Variants in SNTA1 observed in about 807,000 individuals in gnomAD.
SNTA1 encodes syntrophin alpha 1, also known as alpha-1-syntrophin.
Under a neutral mutation model 47.1 loss-of-function variants are expected in SNTA1, and 31 were observed. That is an observed-to-expected ratio of 0.66 (90% CI 0.49 to 0.89). The LOEUF (loss-of-function observed/expected upper bound fraction) is 0.89, where lower values mean the gene tolerates loss of function less well. SNTA1 is among the 40% of genes least tolerant of loss of function. The probability of loss-of-function intolerance (pLI) is 0.00; values close to 1 mark genes in which losing one functional copy is unlikely to be tolerated. For missense variants in SNTA1, 575 were observed against 693.0 expected (o/e 0.83, Z 1.91); for synonymous variants, 300 against 313.6 (o/e 0.96, Z 0.46).
chr20:33,435,395 G>A (rs569174057), intron 2 of SNTA1, among the ~76,000 whole-genome samples: 11 of 149,574 alleles, frequency 7.4e-5, no homozygotes, highest in East Asian at 4.2e-4. Context: ...CCGGGAGTTC[G>A]AGACCAGCCT....
At chr20:33,426,785 G>T (rs1471426630) in intron 2 of SNTA1, among the ~76,000 whole-genome samples, 3 of 151,804 alleles carry the variant, frequency 2.0e-5, no homozygotes, top group Non-Finnish European at 4.4e-5. Flanking sequence ...AAAAAGATTT[G>T]TCTGGGCTCA....
intron 6 of SNTA1, 47 bp from the exon 7 acceptor site, chr20:33,408,935 C>T (rs1989668283): frequency 6.4e-7 from 1 of 1,554,974 alleles, no homozygotes; most frequent in Non-Finnish European, 8.9e-7. Context: ...ACCTCAGAGA[C>T]TACACCCCAA....
At chr20:33,425,216 G>A (rs1415223629) in intron 2 of SNTA1, among the ~76,000 whole-genome samples, 2 of 152,122 alleles carry the variant, frequency 1.3e-5, no homozygotes, top group Non-Finnish European at 2.9e-5. Context: ...GGTCAAGGCT[G>A]CTATGATCAT....
In SNTA1 at chr20:33,408,146, G is replaced by C. The variant is rs888900311; in HGVS notation, c.*361C>G. On this transcript the variant is annotated 3_prime_UTR_variant, in exon 8 of 8. Coordinates refer to ENST00000217381, the MANE Select transcript of SNTA1 (RefSeq NM_003098.3). ...ACTCCAGCTTCAGATGGGACCTCTG[G>C]GGGTGGCTTAGGGGCCTCGAGGAGG... is the stretch of plus-strand genomic sequence containing the variant. 3.0e-6 allele frequency: 1 copy of C among 336,258 alleles called. No individual in the cohort carries two copies. Among genetic ancestry groups the C allele is most frequent in the Non-Finnish European group, 5.8e-6 (1 of 172,964 alleles). The allele number at this position is 336,258 out of a possible 1,614,324, so 20.8% of individuals were successfully genotyped here.
At chr20:33,426,998 G>A (rs958741439) in intron 2 of SNTA1, among the ~76,000 whole-genome samples, 1 of 150,904 alleles carries the variant, frequency 6.6e-6, no homozygotes, top group Non-Finnish European at 1.5e-5. Flanking sequence ...AGGAGGTTGA[G>A]GCTAAAGTGA....
chr20:33,423,088 G>T (rs974610160), intron 2 of SNTA1, among the ~76,000 whole-genome samples: 2 of 152,178 alleles, frequency 1.3e-5, no homozygotes, highest in South Asian at 4.1e-4. Flanking sequence ...TACGCTACAT[G>T]CTCAGCAAAT....
chr20:33,443,295 G>C lies in SNTA1; in HGVS notation c.310+16C>G. ...CCAGACACCACGACCCCGCGCCCTCGGTGTCCCGCGCCCACCTTTGATGCT... is the reference window on the plus strand; with the variant it reads ...CCAGACACCACGACCCCGCGCCCTCCGTGTCCCGCGCCCACCTTTGATGCT... On this transcript the variant is annotated intron_variant, in intron 1 of 7. Transcript: ENST00000217381. 6.7e-7 allele frequency: 1 copy of C among 1,503,074 alleles called. No individual in the cohort carries two copies. Among genetic ancestry groups the C allele is most frequent in the South Asian group, 1.2e-5 (1 of 81,070 alleles). The allele number at this position is 1,503,074 out of a possible 1,614,324, so 93.1% of individuals were successfully genotyped here. A position where few individuals can be genotyped will look rare whatever the true frequency, so the allele number is the denominator to read the frequency against.
rs1345331296 is a variant in SNTA1 at position 33,408,695 on chromosome 20, A to T, written c.1425+6T>A. On this transcript the variant is annotated splice_donor_region_variant and intron_variant, in intron 7 of 7. Coordinates refer to ENST00000217381, the MANE Select transcript of SNTA1 (RefSeq NM_003098.3). Reference sequence around the variant, plus strand: ...CCCCAGGGTGCAGAGGCAGCCCCTCACTCACGATCTCGCCTTCAGCACCTC... The same window carrying T: ...CCCCAGGGTGCAGAGGCAGCCCCTCTCTCACGATCTCGCCTTCAGCACCTC... The T allele has an allele frequency of 1.2e-6, 2 of 1,613,684 alleles. No homozygotes were observed. Among genetic ancestry groups the T allele is most frequent in the Non-Finnish European group, 8.5e-7 (1 of 1,179,766 alleles).
chr20:33,437,978 G>A (rs1990482572), intron 2 of SNTA1, among the ~76,000 whole-genome samples: 1 of 152,196 alleles, frequency 6.6e-6, no homozygotes, highest in African/African-American at 2.4e-5. Flanking sequence ...CTCTGATCCT[G>A]GCTGGAAGGA....
At chr20:33,408,630 C>A (rs1989656535) in intron 7 of SNTA1, 31 bp from the exon 8 acceptor site, 3 of 1,611,258 alleles carry the variant, frequency 1.9e-6, no homozygotes, top group Non-Finnish European at 2.5e-6. Flanking sequence ...AGAGTCAGGG[C>A]CCTGGCCAGC....
At chr20:33,419,087 G>A (rs1285536105) in intron 2 of SNTA1, among the ~76,000 whole-genome samples, 1 of 151,884 alleles carries the variant, frequency 6.6e-6, no homozygotes, top group Non-Finnish European at 1.5e-5. Flanking sequence ...CAGCCTGGAC[G>A]ATGAAGTGCG....
chr20:33,433,774 C>T (rs1990368053), intron 2 of SNTA1, among the ~76,000 whole-genome samples: 1 of 152,176 alleles, frequency 6.6e-6, no homozygotes, highest in Non-Finnish European at 1.5e-5. Flanking sequence ...TGGCTGCCAA[C>T]TTGGGCCCAG....
chr20:33,432,683 G>T (rs747746562), intron 2 of SNTA1, among the ~76,000 whole-genome samples: 8 of 152,076 alleles, frequency 5.3e-5, no homozygotes, highest in Non-Finnish European at 1.2e-4. Context: ...GACAACACAG[G>T]GAGACCCTGT....
intron 2 of SNTA1, among the ~76,000 whole-genome samples, chr20:33,421,230 G>A (rs1283807946): frequency 6.6e-6 from 1 of 151,910 alleles, no homozygotes; most frequent in African/African-American, 2.4e-5. Context: ...AGATGCTCTT[G>A]GATTTGAATT....
At chr20:33,432,958 C>T (rs945155380) in intron 2 of SNTA1, among the ~76,000 whole-genome samples, 8 of 151,798 alleles carry the variant, frequency 5.3e-5, no homozygotes, top group Non-Finnish European at 1.0e-4. Context: ...GAGATAGAGA[C>T]TCACTCTGTC....
chr20:33,410,339 T>C lies in SNTA1; in HGVS notation c.1041-8A>G. 6.3e-7 allele frequency: 1 copy of C among 1,586,514 alleles called. No individual in the cohort carries two copies. Among genetic ancestry groups the C allele is most frequent in the Non-Finnish European group, 8.6e-7 (1 of 1,163,088 alleles). On this transcript the variant is annotated splice_region_variant and splice_polypyrimidine_tract_variant and intron_variant, in intron 5 of 7. Transcript: ENST00000217381. Reference sequence around the variant, plus strand: ...GGGCCTGAGTGCACCAGTCTGGGGGTTGGGGGCAGAGGGCTGAGCATGAGG... The same window carrying C: ...GGGCCTGAGTGCACCAGTCTGGGGGCTGGGGGCAGAGGGCTGAGCATGAGG...
At chr20:33,416,047 G>A (rs1989865801) in intron 3 of SNTA1, among the ~76,000 whole-genome samples, 1 of 152,092 alleles carries the variant, frequency 6.6e-6, no homozygotes, top group Admixed American at 6.6e-5. Context: ...GAAGGGGACC[G>A]CAGTGAGCCA....
At position 33,438,863 on chromosome 20, in the gene SNTA1, T is replaced by G; in HGVS notation, c.474A>C (p.Thr158=). The G allele has an allele frequency of 6.2e-7, 1 of 1,614,090 alleles. No homozygotes were observed. Among genetic ancestry groups the G allele is most frequent in the African/African-American group, 1.3e-5 (1 of 75,054 alleles). The change falls in exon 2 of 8, where the codon ACA becomes ACC. Residue 158 remains threonine (T), a synonymous_variant. Coordinates refer to ENST00000217381, the MANE Select transcript of SNTA1 (RefSeq NM_003098.3). ...HDEAVQVLKK[T]GKEVVLEVKY... ...TACCCTCCAGCACCACCTCCTTGCC[T>G]GTCTTCTTGAGGACCTGCACCGCCT...
At chr20:33,424,341 A>G (rs1990111057) in intron 2 of SNTA1, among the ~76,000 whole-genome samples, 1 of 151,610 alleles carries the variant, frequency 6.6e-6, no homozygotes, top group East Asian at 1.9e-4. Context: ...AGAAAGAAAA[A>G]AAAAGAAAAT....
Sources: gnomAD v4.1 joint callset for allele counts (sites outside exome capture counted in the v4.1 genomes callset) on GRCh38, gnomAD v4.1.1 for gene constraint, MANE v1.5 for transcripts, NCBI Gene and HGNC (gene_info 2026-07-23, HGNC 2026-07-21) for gene names.